IL1RAPL2: variants seen among roughly 807,000 people sequenced by gnomAD.
The protein encoded by IL1RAPL2 is X-linked interleukin-1 receptor accessory protein-like 2.
A neutral mutation model predicts 44.1 loss-of-function variants in IL1RAPL2; 3 were observed. That is an observed-to-expected ratio of 0.07 (90% CI 0.03 to 0.18). The LOEUF is 0.18. IL1RAPL2 is among the 10% of genes least tolerant of loss of function. The pLI is 1.00. For missense variants in IL1RAPL2, 391 were observed against 496.4 expected, an observed-to-expected ratio of 0.79 and a Z score of 2.02; for synonymous variants, 181 against 178.8, an observed-to-expected ratio of 1.01 and a Z score of -0.10.
chrX:104,903,627 G>C (rs1923882514), intron 2 of IL1RAPL2, among the ~76,000 whole-genome samples: 1 of 110,865 alleles, frequency 9.0e-6, no homozygotes. Context: ...GCCCAGGCTG[G>C]AGTGCAGTGG....
intron 2 of IL1RAPL2, among the ~76,000 whole-genome samples, chrX:104,883,886 AG>A (rs1923150345): frequency 8.9e-6 from 1 of 111,833 alleles, no homozygotes; most frequent in Non-Finnish European, 1.9e-5. Context: ...TATTCATATA[AG>A]TGAGGACAAA....
chrX:104,945,473 G>GATCA (rs1300257106), intron 2 of IL1RAPL2, among the ~76,000 whole-genome samples: 1 of 110,751 alleles, frequency 9.0e-6, no homozygotes, highest in Non-Finnish European at 1.9e-5. Context: ...ATGTTTAAAT[G>GATCA]ATCAAATCCA....
intron 2 of IL1RAPL2, among the ~76,000 whole-genome samples, chrX:104,914,010 T>C (rs1312363365): frequency 9.0e-6 from 1 of 111,715 alleles, no homozygotes; most frequent in Non-Finnish European, 1.9e-5. Flanking sequence ...TATTATCAAA[T>C]TTATTTTAAA....
intron 1 of IL1RAPL2, among the ~76,000 whole-genome samples, chrX:104,609,479 G>A (rs1482830858): frequency 8.9e-6 from 1 of 111,851 alleles, no homozygotes; most frequent in African/African-American, 3.3e-5. Context: ...ATCACTTCCA[G>A]GTACACCAAT....
intron 6 of IL1RAPL2, among the ~76,000 whole-genome samples, chrX:105,694,020 GT>G (rs2038057796): frequency 8.9e-6 from 1 of 111,965 alleles, no homozygotes; most frequent in Admixed American, 9.5e-5. Context: ...AACCTACTAA[GT>G]TTGTGGCTTT....
chrX:105,172,075 G>A (rs2033428590), intron 2 of IL1RAPL2, among the ~76,000 whole-genome samples: 1 of 112,321 alleles, frequency 8.9e-6, no homozygotes, highest in African/African-American at 3.2e-5. Flanking sequence ...ATGCCCCCAT[G>A]GCATGTGTGG....
chrX:105,081,097 T>A (rs1296309543), intron 2 of IL1RAPL2, among the ~76,000 whole-genome samples: 2 of 111,752 alleles, frequency 1.8e-5, no homozygotes, highest in Non-Finnish European at 3.8e-5. Context: ...AAGTTGCTTA[T>A]CAGCTTCAGG....
At chrX:104,804,727 CT>C (rs1416468542) in intron 2 of IL1RAPL2, among the ~76,000 whole-genome samples, 3 of 112,270 alleles carry the variant, frequency 2.7e-5, no homozygotes, top group African/African-American at 9.7e-5. Flanking sequence ...CAAGATTATT[CT>C]GCTTTCCTCC....
At chrX:105,360,128 C>G (rs2035237182) in intron 5 of IL1RAPL2, among the ~76,000 whole-genome samples, 1 of 111,221 alleles carries the variant, frequency 9.0e-6, no homozygotes, top group African/African-American at 3.3e-5. Flanking sequence ...ACCTTAGCAA[C>G]TTGGGATAAG....
chrX:105,221,525 G>A (rs2033964344), intron 3 of IL1RAPL2, among the ~76,000 whole-genome samples: 1 of 111,627 alleles, frequency 9.0e-6, no homozygotes, highest in African/African-American at 3.3e-5. Flanking sequence ...GCTGAGTTTG[G>A]ACACAAAAGA....
intron 2 of IL1RAPL2, among the ~76,000 whole-genome samples, chrX:104,721,994 G>A (rs1931688242): frequency 9.0e-6 from 1 of 111,275 alleles, no homozygotes; most frequent in Admixed American, 9.6e-5. Context: ...AGCTATTCTT[G>A]ACTGGATTTC....
intron 6 of IL1RAPL2, among the ~76,000 whole-genome samples, chrX:105,596,754 C>A (rs1290678967): frequency 9.0e-6 from 1 of 111,476 alleles, no homozygotes; most frequent in Non-Finnish European, 1.9e-5. Flanking sequence ...GATGATCCAC[C>A]CATTGTTGAA....
chrX:104,831,597 T>C (rs1269463554), intron 2 of IL1RAPL2, among the ~76,000 whole-genome samples: 2 of 111,772 alleles, frequency 1.8e-5, no homozygotes, highest in African/African-American at 6.5e-5. Flanking sequence ...TAGTGTATGT[T>C]GGTGCTAAAT....
intron 5 of IL1RAPL2, among the ~76,000 whole-genome samples, chrX:105,351,957 A>T: frequency 9.0e-6 from 1 of 110,520 alleles, no homozygotes; most frequent in South Asian, 3.8e-4. Flanking sequence ...TTTATTTTTT[A>T]TTTTTTCTGA....
chrX:104,676,358 A>T (rs1262087212), intron 2 of IL1RAPL2, among the ~76,000 whole-genome samples: 7 of 111,093 alleles, frequency 6.3e-5, no homozygotes, highest in Non-Finnish European at 1.3e-4. Context: ...TTCACTTATG[A>T]AGCTTAGTTT....
chrX:105,535,264 A>C (rs754593881), intron 6 of IL1RAPL2, among the ~76,000 whole-genome samples: 1 of 111,974 alleles, frequency 8.9e-6, no homozygotes, highest in South Asian at 3.7e-4. Context: ...CCCACGACTC[A>C]CCTAGTAGAA....
rs951514494 is a variant in IL1RAPL2, at chrX:105,174,888, A to G, written c.83-20587A>G. Among the ~76,000 whole-genome samples the G allele has an allele frequency of 5.4e-5, 6 of 111,976 alleles. No individual in the cohort carries two copies. In the East Asian group the frequency reaches 1.7e-3, roughly 32 times the overall value. On this transcript the variant is annotated intron_variant, in intron 2 of 10. Coordinates refer to ENST00000372582, the MANE Select transcript of IL1RAPL2 (RefSeq NM_017416.2). ...TAACAATAAGATCGCTATAATTTGA[A>G]TAAAATACTAGTTATGTGTGATAAT...
At chrX:104,904,688 A>C (rs1175542914) in intron 2 of IL1RAPL2, among the ~76,000 whole-genome samples, 1 of 109,902 alleles carries the variant, frequency 9.1e-6, no homozygotes, top group Non-Finnish European at 1.9e-5. Flanking sequence ...ACATTTTCTC[A>C]ATCCAGTCTA....
At chrX:104,837,570 GGTT>G (rs1249387749) in intron 2 of IL1RAPL2, among the ~76,000 whole-genome samples, 3 of 111,377 alleles carry the variant, frequency 2.7e-5, no homozygotes, top group Non-Finnish European at 5.7e-5. Flanking sequence ...TTTTTGATGG[GGTT>G]GTTTGTTTTT....
Sources: allele counts gnomAD v4.1 joint callset (sites outside exome capture counted in the v4.1 genomes callset), GRCh38; gene constraint gnomAD v4.1.1; transcripts MANE v1.5; gene names NCBI Gene and HGNC (gene_info 2026-07-23, HGNC 2026-07-21).